The following SDCBP2 variants were observed in gnomAD, a reference collection of about 807,000 sequenced individuals.
SDCBP2 encodes syntenin-2.
SDCBP2 carries 28 observed loss-of-function variants against 30.7 expected under a neutral mutation model. The observed-to-expected ratio is 0.91, with a 90% CI of 0.68 to 1.25. SDCBP2 has a LOEUF of 1.25. Among genes scored for constraint, SDCBP2 ranks in the 50% most tolerant of loss-of-function variants. The probability of loss-of-function intolerance (pLI) is 0.00; values close to 1 mark genes in which losing one functional copy is unlikely to be tolerated. For missense variants in SDCBP2, 399 were observed against 379.0 expected (o/e 1.05, Z -0.44); for synonymous variants, 166 against 157.3 (o/e 1.06, Z -0.41).
intron 7 of SDCBP2, 130 bp from the exon 8 acceptor site, chr20:1,311,021 C>T: frequency 1.6e-6 from 1 of 631,242 alleles, no homozygotes; most frequent in Non-Finnish European, 2.7e-6. Flanking sequence ...CAGGGCAGGG[C>T]TGCCTCGGAC....
Position 1,321,083 on chromosome 20 carries a change from T to C in SDCBP2, c.-19-648A>G, listed in dbSNP as rs1282788422. The C allele has an allele frequency of 1.3e-5, 2 of 152,426 alleles. No individual in the cohort carries two copies. The highest frequency in any genetic ancestry group is 4.8e-5 in the African/African-American group (2 of 41,386). 9.4% of individuals were successfully genotyped at this position (152,426 alleles called of 1,614,324 possible). A position where few individuals can be genotyped will look rare whatever the true frequency, so the allele number is the denominator to read the frequency against. ...CACGCCTCCCCTGGCTCCCAGGCAA[T>C]ACGGTCACTGCCCCTCCCACCCAGG... On this transcript the variant is annotated intron_variant, in intron 1 of 8. Coordinates refer to ENST00000360779, the MANE Select transcript of SDCBP2 (RefSeq NM_080489.5). The surrounding 1 kb of genome is among the most constrained non-coding windows in gnomAD (Gnocchi z 5.2).
In SDCBP2 at chr20:1,313,555, G is replaced by T. The variant is rs533582237; in HGVS notation, c.226-57C>A. ...GGCCCGTGGGGACCCTGTGCCTCAG[G>T]AGACACTGGGGTGGGGGTAGGGATG... On this transcript the variant is annotated intron_variant, in intron 4 of 8. Transcript: ENST00000360779. This position sits in a 1 kb window ranked among gnomAD's most constrained non-coding sequence, Gnocchi z 5.2. 703 of 1,504,716 alleles carry T rather than the reference G, an allele frequency of 4.7e-4. 1 individual carries two copies. Among genetic ancestry groups the T allele is most frequent in the Non-Finnish European group, 5.2e-4 (588 of 1,129,274 alleles). 93.2% of individuals were successfully genotyped at this position (1,504,716 alleles called of 1,614,324 possible). A position where few individuals can be genotyped will look rare whatever the true frequency, so the allele number is the denominator to read the frequency against.
intron 7 of SDCBP2, 115 bp downstream of exon 7, chr20:1,312,222 C>G (rs973183850): frequency 1.8e-5 from 19 of 1,077,890 alleles, no homozygotes; most frequent in Non-Finnish European, 2.5e-5. Flanking sequence ...TTACTGAACC[C>G]TCACAGCAAC....
intron 8 of SDCBP2, 41 bp downstream of exon 8, chr20:1,310,759 A>AGAGGAGGGGTGAGGAGGGGT (rs377546461): frequency 8.5e-6 from 13 of 1,536,828 alleles, no homozygotes; most frequent in Middle Eastern, 1.7e-4. Context: ...AGGGGATGGC[A>AGAGGAGGGGTGAGGAGGGGT]GAGGAGGGGT....
intron 4 of SDCBP2, 56 bp downstream of exon 4, chr20:1,318,261 GA>G: frequency 1.7e-6 from 2 of 1,208,028 alleles, no homozygotes; most frequent in Non-Finnish European, 2.5e-6. Context: ...GCAAGACCAG[GA>G]AAAAGGGAGG....
intron 5 of SDCBP2, 23 bp from the exon 6 acceptor site, chr20:1,312,785 G>A: frequency 6.3e-7 from 1 of 1,596,262 alleles, no homozygotes; most frequent in Non-Finnish European, 8.5e-7. Context: ...GGGCCCCAGA[G>A]TCAGTGTCCC....
intron 4 of SDCBP2, among the ~76,000 whole-genome samples, chr20:1,314,488 C>CAAAAAAAAAAAAAA: frequency 1.9e-5 from 1 of 53,952 alleles, no homozygotes; most frequent in Non-Finnish European, 3.1e-5. Context: ...GACTCCACCT[C>CAAAAAAAAAAAAAA]AAAAAAAAAA....
chr20:1,313,716 A>C lies in SDCBP2; in HGVS notation c.226-218T>G. 7.8e-7 allele frequency: 1 copy of C among 1,276,454 alleles called. No individual in the cohort carries two copies. Among genetic ancestry groups the C allele is most frequent in the Non-Finnish European group, 1.0e-6 (1 of 994,204 alleles). 79.1% of individuals were successfully genotyped at this position (1,276,454 alleles called of 1,614,324 possible). ...TCCATGCCCTTAAAAAGCCAGGAAA[A>C]CGGGGAGGGAAGGGGCGAGGATACA... On this transcript the variant is annotated intron_variant, in intron 4 of 8. Transcript: ENST00000360779. This position sits in a 1 kb window ranked among gnomAD's most constrained non-coding sequence, Gnocchi z 5.2.
At chr20:1,315,904 T>C (rs1271851152) in intron 4 of SDCBP2, among the ~76,000 whole-genome samples, 1 of 152,104 alleles carries the variant, frequency 6.6e-6, no homozygotes, top group Non-Finnish European at 1.5e-5. Context: ...CTGGCCAACA[T>C]AGCAAGACCT....
intron 1 of SDCBP2, chr20:1,323,833 T>A (rs879088662): frequency 3.3e-5 from 5 of 152,108 alleles, no homozygotes; most frequent in African/African-American, 9.7e-5. Flanking sequence ...TTGTTTTTTT[T>A]AATTTTTATT....
intron 7 of SDCBP2, among the ~76,000 whole-genome samples, chr20:1,311,347 G>A (rs1285545148): frequency 1.2e-4 from 18 of 152,106 alleles, no homozygotes; most frequent in African/African-American, 4.3e-4. Context: ...GCTGCCTCCA[G>A]GGCCATAAGG....
chr20:1,312,345 C>T lies in SDCBP2; in HGVS notation c.724G>A (p.Gly242Arg), dbSNP rs4814111. The T allele has an allele frequency of 0.073, 117,038 of 1,612,460 alleles. 5,002 individuals are homozygous for T. Among genetic ancestry groups the T allele is most frequent in the Admixed American group, 0.11 (6,441 of 59,828 alleles). Residue 242 changes from glycine (G) to arginine (R), a missense_variant, in exon 7 of 9, where the codon GGG becomes AGG. Coordinates refer to ENST00000360779, the MANE Select transcript of SDCBP2 (RefSeq NM_080489.5). ...VCEVDGQNVI[G>R]LKDKKIMEIL... Reference sequence around the variant, plus strand: ...TGCGGCCACCAGCCTACCTTCAGCCCGATAACATTCTGCCCGTCCACCTCA... The same window carrying T: ...TGCGGCCACCAGCCTACCTTCAGCCTGATAACATTCTGCCCGTCCACCTCA...
At chr20:1,318,047 C>CTGGG in intron 4 of SDCBP2, 3 of 500,762 alleles carry the variant, frequency 6.0e-6, no homozygotes, top group Middle Eastern at 6.5e-4. Context: ...TAATGACCTC[C>CTGGG]CTTCTCATCC....
chr20:1,312,594 G>A lies in SDCBP2; in HGVS notation c.553C>T (p.Arg185Trp), dbSNP rs1383253202. The change falls in exon 6 of 9, where the codon CGG becomes TGG. Residue 185 changes from arginine (R) to tryptophan (W), a missense_variant. Arg to Trp is a moderately radical substitution (Grantham distance 101, BLOSUM62 -3). Transcript: ENST00000360779. ...CCGGGCCTGGCTACTCACCTGTCCC[G>A]AACCACCACGACAATCTTATCGCCT... ...ASGDKIVVVVRDRPFQRTVTM... is the reference protein window; with the variant it reads ...ASGDKIVVVVWDRPFQRTVTM... The A allele has an allele frequency of 5.6e-6, 9 of 1,613,788 alleles. No homozygotes were observed. Among genetic ancestry groups the A allele is most frequent in the Admixed American group, 1.7e-5 (1 of 60,012 alleles).
In SDCBP2 at chr20:1,319,628, G is replaced by C. The variant is rs775769778; in HGVS notation, c.86C>G (p.Ala29Gly). The change falls in exon 3 of 9, where the codon GCC becomes GGC. Residue 29 changes from alanine to glycine, a missense_variant. By Grantham distance (60) the Ala-to-Gly change is moderately conservative (BLOSUM62 0). Transcript: ENST00000360779. ...AATGGCTGTTGCCTGGACTGGCAGGGCTGGCATCTTGGGTGAGGCTCTGAC... is the reference window on the plus strand; with the variant it reads ...AATGGCTGTTGCCTGGACTGGCAGGCCTGGCATCTTGGGTGAGGCTCTGAC... ...AQVRASPKMP[A>G]LPVQATAISP... The C allele has an allele frequency of 8.3e-6, 13 of 1,572,676 alleles. No individual in the cohort carries two copies. In the African/African-American group the frequency reaches 1.7e-4, roughly 21 times the overall value.
At position 1,313,799 on chromosome 20, in the gene SDCBP2, C is replaced by T. The variant is rs2088726730; in HGVS notation, c.226-301G>A. Reference sequence around the variant, plus strand: ...GCATCAGGAAAAGCCTCCTTTAAAACCCACTTAAAATAGAAAAAGTCACAG... The same window carrying T: ...GCATCAGGAAAAGCCTCCTTTAAAATCCACTTAAAATAGAAAAAGTCACAG... On this transcript the variant is annotated intron_variant, in intron 4 of 8. Transcript: ENST00000360779. The surrounding 1 kb of genome is among the most constrained non-coding windows in gnomAD (Gnocchi z 5.2). 2 of 268,388 alleles carry T rather than the reference C, an allele frequency of 7.5e-6. No individual in the cohort carries two copies. Among genetic ancestry groups the T allele is most frequent in the African/African-American group, 2.3e-5 (1 of 43,562 alleles). The allele number at this position is 268,388 out of a possible 1,614,324, so 16.6% of individuals were successfully genotyped here.
intron 3 of SDCBP2, among the ~76,000 whole-genome samples, chr20:1,318,772 G>A (rs1033881576): frequency 1.3e-5 from 2 of 152,126 alleles, no homozygotes; most frequent in Non-Finnish European, 2.9e-5. Flanking sequence ...GACAACAGAG[G>A]GCTCATGCAT....
In SDCBP2 at chr20:1,312,522, C is replaced by G. The variant is rs561885445; in HGVS notation, c.561-14G>C. The G allele has an allele frequency of 7.4e-6, 12 of 1,614,116 alleles. No homozygotes were observed. The highest frequency in any genetic ancestry group is 6.7e-5 in the Admixed American group (4 of 60,030). On this transcript the variant is annotated splice_polypyrimidine_tract_variant and intron_variant, in intron 6 of 8. Coordinates refer to ENST00000360779, the MANE Select transcript of SDCBP2 (RefSeq NM_080489.5). ...CGCTGGAACGGCCTGGCAGGAGGGA[C>G]AGTGAGCTGTCCTGGGGACATGGCT...
intron 4 of SDCBP2, among the ~76,000 whole-genome samples, chr20:1,315,439 G>A (rs1398749516): frequency 1.3e-5 from 2 of 152,188 alleles, no homozygotes; most frequent in Non-Finnish European, 2.9e-5. Context: ...TGAGATGGGA[G>A]GATCGCTTGA....
Sources: allele counts gnomAD v4.1 joint callset (sites outside exome capture counted in the v4.1 genomes callset), GRCh38; gene constraint gnomAD v4.1.1; non-coding constraint Gnocchi (gnomAD v3.1); transcripts MANE v1.5; gene names NCBI Gene and HGNC (gene_info 2026-07-23, HGNC 2026-07-21).